The following PRKCE variants were observed in gnomAD, a reference collection of about 807,000 sequenced individuals.
The protein encoded by PRKCE is protein kinase C epsilon type.
Under a neutral mutation model 85.4 loss-of-function variants are expected in PRKCE, and 16 were observed. The observed-to-expected ratio is 0.19, with a 90% CI of 0.13 to 0.28. The LOEUF (loss-of-function observed/expected upper bound fraction) is 0.28. Among genes scored for constraint, PRKCE ranks in the 10% least tolerant of loss-of-function variants. The probability of loss-of-function intolerance (pLI) is 1.00; values close to 1 mark genes in which losing one functional copy is unlikely to be tolerated. For missense variants in PRKCE, 573 were observed against 975.2 expected, an observed-to-expected ratio of 0.59 and a Z score of 5.49; for synonymous variants, 388 against 371.5, an observed-to-expected ratio of 1.04 and a Z score of -0.51.
In PRKCE at chr2:46,004,974, A is replaced by G. The variant is rs531231117; in HGVS notation, c.1063+336A>G. Among the ~76,000 whole-genome samples the G allele has an allele frequency of 6.6e-6, 1 of 152,100 alleles. No homozygotes were observed. Among genetic ancestry groups the G allele is most frequent in the South Asian group, 2.1e-4 (1 of 4,804 alleles). On this transcript the variant is annotated intron_variant, in intron 8 of 14. Transcript: ENST00000306156. This position sits in a 1 kb window ranked among gnomAD's most constrained non-coding sequence, Gnocchi z 4.1. ...GAGAAGGGTACAGCTCCCTCTCTTA[A>G]AGCTCTTGCCTGGCCCTAGACCTGT...
At chr2:46,010,314 A>G (rs548219962) in intron 9 of PRKCE, 30 bp from the exon 10 acceptor site, 4 of 1,569,140 alleles carry the variant, frequency 2.5e-6, no homozygotes, top group Non-Finnish European at 2.6e-6. Context: ...ATACATGCAT[A>G]GATTGATGGA....
At chr2:45,832,736 G>A (rs1444030108) in intron 1 of PRKCE, among the ~76,000 whole-genome samples, 1 of 152,168 alleles carries the variant, frequency 6.6e-6, no homozygotes, top group Non-Finnish European at 1.5e-5. Context: ...GGTACCTATT[G>A]GAAGCATTGG....
At chr2:45,750,065 A>G (rs561861762) in intron 1 of PRKCE, among the ~76,000 whole-genome samples, 124 of 151,936 alleles carry the variant, frequency 8.2e-4, no homozygotes, top group Non-Finnish European at 6.6e-4. Flanking sequence ...TGAATAATGT[A>G]TCATCTTCAT....
chr2:45,827,902 A>G (rs2345180), intron 1 of PRKCE, among the ~76,000 whole-genome samples: 95,450 of 152,094 alleles, frequency 0.63, 31,142 homozygotes, highest in African/African-American at 0.81. Context: ...TAAATTTGAG[A>G]CTTATGCTTC....
intron 11 of PRKCE, among the ~76,000 whole-genome samples, chr2:46,118,761 C>G (rs999003776): frequency 6.6e-6 from 1 of 152,128 alleles, no homozygotes; most frequent in Admixed American, 6.6e-5. Context: ...GAATGAAGAT[C>G]CCTAGAGATG....
At chr2:45,770,670 C>T (rs921541393) in intron 1 of PRKCE, 1 of 152,196 alleles carries the variant, frequency 6.6e-6, no homozygotes, top group Admixed American at 6.5e-5. Context: ...GAAATTGAGA[C>T]AGCGAGAAGC....
intron 11 of PRKCE, among the ~76,000 whole-genome samples, chr2:46,140,818 G>A (rs971478485): frequency 3.3e-5 from 5 of 151,826 alleles, no homozygotes; most frequent in Non-Finnish European, 5.9e-5. Flanking sequence ...AATATAGAAT[G>A]AGCTCCTAAA....
At chr2:45,917,385 T>C (rs942498966) in intron 2 of PRKCE, among the ~76,000 whole-genome samples, 27 of 151,956 alleles carry the variant, frequency 1.8e-4, no homozygotes, top group African/African-American at 6.0e-4. Flanking sequence ...GTATTTACAA[T>C]CCCTGAGCTA....
At chr2:45,969,901 C>T (rs774293480) in intron 2 of PRKCE, among the ~76,000 whole-genome samples, 2 of 152,096 alleles carry the variant, frequency 1.3e-5, no homozygotes, top group Admixed American at 6.5e-5. Flanking sequence ...CTTTCTTCAC[C>T]CTCTTAAAGT....
At chr2:46,151,425 A>C (rs1676620490) in intron 13 of PRKCE, among the ~76,000 whole-genome samples, 196 bp downstream of exon 13, 2 of 152,240 alleles carry the variant, frequency 1.3e-5, no homozygotes. Context: ...GTTCAGGCAC[A>C]GTGCAGAGGA....
chr2:45,833,085 A>C lies in PRKCE; in HGVS notation c.349-9915A>C, dbSNP rs191633181. Among the ~76,000 whole-genome samples, 554 of 148,574 alleles carry C rather than the reference A, an allele frequency of 3.7e-3. 2 individuals carry two copies. The highest frequency in any genetic ancestry group is 0.013 in the African/African-American group (527 of 40,548). ...GTAATCCCAGCACTTTGGGAGGCCG[A>C]GGTGGAAGGATCTCTTGAGGGCAGG... On this transcript the variant is annotated intron_variant, in intron 1 of 14. Coordinates refer to ENST00000306156, the MANE Select transcript of PRKCE (RefSeq NM_005400.3).
At chr2:46,124,974 G>T (rs989195425) in intron 11 of PRKCE, among the ~76,000 whole-genome samples, 1 of 152,172 alleles carries the variant, frequency 6.6e-6, no homozygotes, top group Non-Finnish European at 1.5e-5. Context: ...TCTCAAAGTG[G>T]CACAAATAAA....
At chr2:45,966,988 C>T (rs574059995) in intron 2 of PRKCE, among the ~76,000 whole-genome samples, 1 of 152,244 alleles carries the variant, frequency 6.6e-6, no homozygotes, top group African/African-American at 2.4e-5. Context: ...GTGGATACAG[C>T]CTGTTTTTGG....
intron 2 of PRKCE, among the ~76,000 whole-genome samples, chr2:45,899,327 A>G (rs1696392689): frequency 6.6e-6 from 1 of 152,052 alleles, no homozygotes; most frequent in East Asian, 1.9e-4. Flanking sequence ...CATTGCATTC[A>G]GATGATTATA....
chr2:46,143,917 G>C (rs953033139), intron 11 of PRKCE, among the ~76,000 whole-genome samples: 3 of 152,200 alleles, frequency 2.0e-5, no homozygotes, highest in African/African-American at 7.2e-5. Flanking sequence ...GATCCCTGGC[G>C]ATGGCCGGAG....
chr2:45,744,895 C>T (rs1683015021), intron 1 of PRKCE, among the ~76,000 whole-genome samples: 2 of 152,210 alleles, frequency 1.3e-5, no homozygotes, highest in Non-Finnish European at 2.9e-5. Flanking sequence ...AGGCGTGAGC[C>T]ACCGCACCCA....
intron 1 of PRKCE, among the ~76,000 whole-genome samples, chr2:45,783,167 T>A (rs6707046): frequency 6.6e-6 from 1 of 152,042 alleles, no homozygotes; most frequent in Non-Finnish European, 1.5e-5. Context: ...TTATTTTCAA[T>A]TGAAGCTCTA....
At chr2:46,179,571 G>A (rs1463164952) in intron 14 of PRKCE, among the ~76,000 whole-genome samples, 1 of 152,126 alleles carries the variant, frequency 6.6e-6, no homozygotes, top group Non-Finnish European at 1.5e-5. Flanking sequence ...GAGGGAATCG[G>A]AATGTTGTTT....
intron 2 of PRKCE, among the ~76,000 whole-genome samples, chr2:45,954,541 A>G (rs1184583157): frequency 1.3e-5 from 2 of 152,228 alleles, no homozygotes; most frequent in African/African-American, 2.4e-5. Flanking sequence ...ATTTAAACAT[A>G]AGCATGCATG....
Sources: gnomAD v4.1 joint callset for allele counts (sites outside exome capture counted in the v4.1 genomes callset) on GRCh38, gnomAD v4.1.1 for gene constraint, Gnocchi (gnomAD v3.1) non-coding constraint, MANE v1.5 for transcripts, NCBI Gene and HGNC (gene_info 2026-07-23, HGNC 2026-07-21) for gene names.